The following RAG2 variants were observed in gnomAD, a reference collection of about 807,000 sequenced individuals.
The protein encoded by RAG2 is V(D)J recombination-activating protein 2.
In RAG2, 16 loss-of-function variants were observed where a neutral mutation model predicts 31.8. The ratio of observed to expected loss-of-function variants is 0.50; its 90% CI spans 0.34 to 0.76. The LOEUF (loss-of-function observed/expected upper bound fraction) is 0.76. Among genes scored for constraint, RAG2 ranks in the 30% least tolerant of loss-of-function variants. The pLI is 0.01. For synonymous variants in RAG2, 199 were observed against 215.9 expected (o/e 0.92, Z 0.68); for missense variants, 622 against 628.5 (o/e 0.99, Z 0.11).
At chr11:36,596,695 C>T (rs11033704) in intron 1 of RAG2, among the ~76,000 whole-genome samples, 3,417 of 152,228 alleles carry the variant, frequency 0.022, 126 homozygotes, top group African/African-American at 0.077. Context: ...TTTCAAACAC[C>T]TGTGATGACT....
In RAG2 at chr11:36,593,071, T is replaced by C. The variant is rs1267982463; in HGVS notation, c.1098A>G (p.Gln366=). The change falls in exon 2 of 2, where the codon CAA becomes CAG. Residue 366 remains glutamine, a synonymous_variant. Coordinates refer to ENST00000311485, the MANE Select transcript of RAG2 (RefSeq NM_000536.4). ...AATCCCCTGGATCTTCTGTTGATGTTTGACTGTTTGTGAATGTTGTCTGCT... is the reference window on the plus strand; with the variant it reads ...AATCCCCTGGATCTTCTGTTGATGTCTGACTGTTTGTGAATGTTGTCTGCT... ...NEEQTTFTNS[Q]TSTEDPGDST... is the part of the protein sequence containing the mutation. The C allele has an allele frequency of 1.9e-6, 3 of 1,614,086 alleles. No individual in the cohort carries two copies. The highest frequency in any genetic ancestry group is 2.7e-5 in the African/African-American group (2 of 74,948).
chr11:36,593,530 A>G lies in RAG2; in HGVS notation c.639T>C (p.Asn213=). 1.2e-6 allele frequency: 2 copies of G among 1,614,178 alleles called. No homozygotes were observed. Among genetic ancestry groups the G allele is most frequent in the Non-Finnish European group, 8.5e-7 (1 of 1,180,036 alleles). The change falls in exon 2 of 2, where the codon AAT becomes AAC. Residue 213 remains asparagine, a synonymous_variant. Coordinates refer to ENST00000311485, the MANE Select transcript of RAG2 (RefSeq NM_000536.4). ...GTCCTCCTAAAATATAGATGGTGTCATTTTTGGCAATAGAGACATGAAAAG... is the reference window on the plus strand; with the variant it reads ...GTCCTCCTAAAATATAGATGGTGTCGTTTTTGGCAATAGAGACATGAAAAG... ...GLSFHVSIAK[N]DTIYILGGHS... is the part of the protein sequence containing the mutation.
In RAG2 at chr11:36,593,738, A is replaced by G. The variant is rs1851090348; in HGVS notation, c.431T>C (p.Val144Ala). 2.5e-6 allele frequency: 4 copies of G among 1,614,096 alleles called. No homozygotes were observed. Among genetic ancestry groups the G allele is most frequent in the Admixed American group, 3.3e-5 (2 of 60,006 alleles). ...CATACTTTTCCCTCGGCTGTACACC[A>G]CATTAATGGAATGACCATATCTGGC... ...PEARYGHSIN[V>A]VYSRGKSMGV... is the part of the protein sequence containing the mutation. Residue 144 changes from valine to alanine, a missense_variant, in exon 2 of 2, where the codon GTG becomes GCG. Val to Ala is a moderately conservative substitution (Grantham distance 64). Coordinates refer to ENST00000311485, the MANE Select transcript of RAG2 (RefSeq NM_000536.4).
intron 1 of RAG2, 81 bp from the exon 2 acceptor site, chr11:36,594,276 AT>A: frequency 5.2e-6 from 5 of 957,238 alleles, no homozygotes; most frequent in Non-Finnish European, 6.6e-6. Flanking sequence ...TGTGAATAGC[AT>A]TTTTTTAAGT....
At chr11:36,595,556 AT>A (rs1207055125) in intron 1 of RAG2, among the ~76,000 whole-genome samples, 1 of 152,242 alleles carries the variant, frequency 6.6e-6, no homozygotes, top group Non-Finnish European at 1.5e-5. Flanking sequence ...TGGACTCTGA[AT>A]GCTTACTGGC....
At chr11:36,595,000 C>A (rs1322009838) in intron 1 of RAG2, 1 of 152,196 alleles carries the variant, frequency 6.6e-6, no homozygotes, top group Non-Finnish European at 1.5e-5. Context: ...ATCTTTGAAT[C>A]CCTAGAGTGC....
rs1340091416 is a variant in RAG2 at position 36,592,027 on chromosome 11, A to G, written c.*558T>C. ...TATACATATATTTATATTTATATCT[A>G]CATCTGTAAAGCTATGAGAAACTAA... On this transcript the variant is annotated 3_prime_UTR_variant, in exon 2 of 2. Coordinates refer to ENST00000311485, the MANE Select transcript of RAG2 (RefSeq NM_000536.4). 2 of 156,252 alleles carry G rather than the reference A, an allele frequency of 1.3e-5. No individual in the cohort carries two copies. The highest frequency in any genetic ancestry group is 2.8e-5 in the Non-Finnish European group (2 of 70,816). 9.7% of individuals were successfully genotyped at this position (156,252 alleles called of 1,614,324 possible).
At chr11:36,597,836 G>A (rs1851336092) in intron 1 of RAG2, 2 of 152,116 alleles carry the variant, frequency 1.3e-5, no homozygotes, top group Non-Finnish European at 2.9e-5. Context: ...ACCAGGATTA[G>A]GTCTTCCTTC....
At chr11:36,597,416 T>C (rs1267989778) in intron 1 of RAG2, among the ~76,000 whole-genome samples, 2 of 152,230 alleles carry the variant, frequency 1.3e-5, no homozygotes, top group African/African-American at 4.8e-5. Context: ...GTTCTTCAGC[T>C]GAGGGAGGCT....
rs149241274 is a variant in RAG2, at chr11:36,593,360, T to G, written c.809A>C (p.Glu270Ala). 6.2e-7 allele frequency: 1 copy of G among 1,614,088 alleles called. No individual in the cohort carries two copies. The highest frequency in any genetic ancestry group is 8.5e-7 in the Non-Finnish European group (1 of 1,180,008). The change falls in exon 2 of 2, where the codon GAA becomes GCA. Residue 270 changes from glutamate (E) to alanine (A), a missense_variant. Coordinates refer to ENST00000311485, the MANE Select transcript of RAG2 (RefSeq NM_000536.4). Reference sequence around the variant, plus strand: ...CTGATAGCCACCAACAATAACAAATTCATCATTGTTAGTTTGAGTCAGGAT... The same window carrying G: ...CTGATAGCCACCAACAATAACAAATGCATCATTGTTAGTTTGAGTCAGGAT... Reference protein sequence around the residue: ...SAILTQTNNDEFVIVGGYQLE... With the variant: ...SAILTQTNNDAFVIVGGYQLE...
Position 36,592,978 on chromosome 11 carries a change from A to T in RAG2, c.1191T>A (p.Asp397Glu), listed in dbSNP as rs752248630. Residue 397 changes from aspartate (D) to glutamate (E), a missense_variant, in exon 2 of 2, where the codon GAT becomes GAA. Transcript: ENST00000311485. ...SAEANSFDGD[D>E]EFDTYNEDDE... Reference sequence around the variant, plus strand: ...CATCTTCATTATAGGTGTCAAATTCATCATCACCATCAAAACTATTTGCTT... The same window carrying T: ...CATCTTCATTATAGGTGTCAAATTCTTCATCACCATCAAAACTATTTGCTT... 1 of 1,614,054 alleles carries T rather than the reference A, an allele frequency of 6.2e-7. No homozygotes were observed. The highest frequency in any genetic ancestry group is 8.5e-7 in the Non-Finnish European group (1 of 1,180,016).
chr11:36,594,382 A>C, intron 1 of RAG2, 187 bp from the exon 2 acceptor site: 1 of 596,754 alleles, frequency 1.7e-6, no homozygotes, highest in East Asian at 2.8e-5. Flanking sequence ...CCATCCAAGG[A>C]GCTGGGACAT....
rs1434109608 is a variant in RAG2 at position 36,592,912 on chromosome 11, G to A, written c.1257C>T (p.Cys419=). The change falls in exon 2 of 2, where the codon TGC becomes TGT. Residue 419 remains cysteine, a synonymous_variant. Transcript: ENST00000311485. Reference sequence around the variant, plus strand: ...TGATATCCACATCACAAGTAGGGCAGCATGTAATCCAGTAGCCTGTCTCAG... The same window carrying A: ...TGATATCCACATCACAAGTAGGGCAACATGTAATCCAGTAGCCTGTCTCAG... ...DESETGYWIT[C]CPTCDVDINT... 6.2e-7 allele frequency: 1 copy of A among 1,614,168 alleles called. No individual in the cohort carries two copies. The highest frequency in any genetic ancestry group is 1.1e-5 in the South Asian group (1 of 91,082).
rs144812762 is a variant in RAG2, at chr11:36,592,652, C to T, written c.1517G>A (p.Arg506His). The change falls in exon 2 of 2, where the codon CGT becomes CAT. Residue 506 changes from arginine to histidine, a missense_variant. Physicochemically the swap from Arg to His is conservative, Grantham distance 29. Transcript: ENST00000311485. Reference protein sequence around the residue: ...PLKKPPMKSLRKKGSGKILTP... With the variant: ...PLKKPPMKSLHKKGSGKILTP... ...CAAGATTTTTCCAGAACCTTTTTTA[C>T]GGAGGGATTTCATTGGAGGCTTTTT... 284 of 1,613,922 alleles carry T rather than the reference C, an allele frequency of 1.8e-4. 1 individual carries two copies. Among genetic ancestry groups the T allele is most frequent in the Non-Finnish European group, 1.8e-4 (209 of 1,179,990 alleles).
rs1851040687 is a variant in RAG2, at chr11:36,592,623, G to C, written c.1546C>G (p.Pro516Ala). The C allele has an allele frequency of 6.2e-6, 10 of 1,614,118 alleles. No individual in the cohort carries two copies. The East Asian group carries it at 2.2e-4, about 36-fold the overall frequency. ...RKKGSGKILT[P>A]AKKSFLRRLF... ...CTTCTAAGAAAGGATTTCTTGGCAG[G>C]AGTCAAGATTTTTCCAGAACCTTTT... Residue 516 changes from proline (P) to alanine (A), a missense_variant, in exon 2 of 2, where the codon CCT becomes GCT. Pro to Ala is a conservative substitution (Grantham distance 27, BLOSUM62 -1). Transcript: ENST00000311485.
chr11:36,594,064 GC>G lies in RAG2; in HGVS notation c.104del (p.Gly35AlafsTer16), dbSNP rs777706845. 6.2e-7 allele frequency: 1 copy of G among 1,614,052 alleles called. No individual in the cohort carries two copies. The highest frequency in any genetic ancestry group is 1.1e-5 in the South Asian group (1 of 91,074). On this transcript the variant is annotated frameshift_variant, in exon 2 of 2. Coordinates refer to ENST00000311485, the MANE Select transcript of RAG2 (RefSeq NM_000536.4). LOFTEE classifies it high-confidence loss of function. ...DGQVFFFGQKGWPKRSCPTGV... is the reference protein window; with the variant it reads ...DGQVFFFGQKXWPKRSCPTGV... ...CAGTGGGGCAGGATCTTTTGGGCCA[GC>G]CTTTTTGTCCAAAGAAGAAAACTTG...
intron 1 of RAG2, chr11:36,595,008 T>C (rs1448282168): frequency 1.3e-5 from 2 of 152,260 alleles, no homozygotes; most frequent in African/African-American, 2.4e-5. Flanking sequence ...ATCCCTAGAG[T>C]GCAGGGGAGA....
intron 1 of RAG2, among the ~76,000 whole-genome samples, chr11:36,597,290 C>T (rs1296469040): frequency 6.6e-6 from 1 of 152,082 alleles, no homozygotes; most frequent in African/African-American, 2.4e-5. Context: ...ATTAGTCACA[C>T]CTTGGTTTTT....
At position 36,593,513 on chromosome 11, in the gene RAG2, A is replaced by G; in HGVS notation, c.656T>C (p.Leu219Ser). The change falls in exon 2 of 2, where the codon TTA becomes TCA. Residue 219 changes from leucine (L) to serine (S), a missense_variant. Transcript: ENST00000311485. ...ATTATTGGCAAGTGAATGTCCTCCTAAAATATAGATGGTGTCATTTTTGGC... is the reference window on the plus strand; with the variant it reads ...ATTATTGGCAAGTGAATGTCCTCCTGAAATATAGATGGTGTCATTTTTGGC... ...SIAKNDTIYI[L>S]GGHSLANNIR... 1 of 1,614,160 alleles carries G rather than the reference A, an allele frequency of 6.2e-7. No homozygotes were observed. Among genetic ancestry groups the G allele is most frequent in the South Asian group, 1.1e-5 (1 of 91,084 alleles).
Sources: allele counts gnomAD v4.1 joint callset (sites outside exome capture counted in the v4.1 genomes callset), GRCh38; gene constraint gnomAD v4.1.1; transcripts MANE v1.5; gene names NCBI Gene and HGNC (gene_info 2026-07-23, HGNC 2026-07-21).